Variants in CNTN5 observed in about 807,000 individuals in gnomAD.
CNTN5 encodes contactin-5.
A neutral mutation model predicts 129.1 loss-of-function variants in CNTN5; 77 were observed. The observed-to-expected ratio is 0.60, with a 90% CI of 0.50 to 0.72. The LOEUF (loss-of-function observed/expected upper bound fraction) is 0.72, where lower values mean the gene tolerates loss of function less well. CNTN5 is among the 30% of genes least tolerant of loss of function. CNTN5 has a pLI of 0.00. For synonymous variants in CNTN5, 509 were observed against 465.6 expected (o/e 1.09, Z -1.20); for missense variants, 1,478 against 1,328.8 (o/e 1.11, Z -1.75).
At chr11:100,185,905 G>A (rs1948288432) in intron 13 of CNTN5, among the ~76,000 whole-genome samples, 1 of 152,188 alleles carries the variant, frequency 6.6e-6, no homozygotes, top group African/African-American at 2.4e-5. Context: ...CTTCAGAATT[G>A]TGAGGAAATA....
chr11:99,860,369 A>T (rs1377492870), intron 6 of CNTN5, among the ~76,000 whole-genome samples: 5 of 152,088 alleles, frequency 3.3e-5, no homozygotes, highest in Admixed American at 2.0e-4. Flanking sequence ...CTTAATCATA[A>T]ATTCTTTCCT....
intron 1 of CNTN5, among the ~76,000 whole-genome samples, chr11:99,080,888 C>G (rs1018682756): frequency 6.6e-6 from 1 of 151,470 alleles, no homozygotes; most frequent in African/African-American, 2.4e-5. Context: ...AACTTCTATA[C>G]TTCTATTAAG....
intron 1 of CNTN5, among the ~76,000 whole-genome samples, chr11:99,033,249 G>A (rs1029484954): frequency 2.0e-5 from 3 of 151,664 alleles, no homozygotes; most frequent in South Asian, 2.1e-4. Context: ...TTGGCAATGC[G>A]GGCTCTTTTT....
At chr11:99,624,918 C>T (rs1184372287) in intron 3 of CNTN5, among the ~76,000 whole-genome samples, 1 of 152,122 alleles carries the variant, frequency 6.6e-6, no homozygotes, top group African/African-American at 2.4e-5. Flanking sequence ...CAGCTCAAAC[C>T]CTTGCCTGCT....
chr11:99,463,523 AT>A (rs1431165769), intron 2 of CNTN5, among the ~76,000 whole-genome samples: 2 of 152,038 alleles, frequency 1.3e-5, no homozygotes, highest in African/African-American at 2.4e-5. Flanking sequence ...TACTTAAAAA[AT>A]GTCTGCTATT....
chr11:99,174,931 A>T (rs566019566), intron 1 of CNTN5, among the ~76,000 whole-genome samples: 39 of 152,294 alleles, frequency 2.6e-4, no homozygotes, highest in African/African-American at 9.4e-4. Context: ...GCTCTAATGT[A>T]TTCAAAATCT....
intron 1 of CNTN5, among the ~76,000 whole-genome samples, chr11:99,057,404 G>A (rs532599118): frequency 4.6e-5 from 7 of 152,126 alleles, no homozygotes; most frequent in African/African-American, 1.4e-4. Context: ...GATGGGAAGC[G>A]TCTGATTCTT....
chr11:99,988,170 C>T (rs761410272), intron 8 of CNTN5, among the ~76,000 whole-genome samples: 4 of 152,208 alleles, frequency 2.6e-5, no homozygotes, highest in Non-Finnish European at 5.9e-5. Context: ...GGAGCTGCCA[C>T]ATCTTGTATC....
rs544503377 is a variant in CNTN5, at chr11:99,972,202, C to A, written c.877+15193C>A. On this transcript the variant is annotated intron_variant, in intron 8 of 24. Coordinates refer to ENST00000524871, the MANE Select transcript of CNTN5 (RefSeq NM_014361.4). Reference sequence around the variant, plus strand: ...CGTGAACCCGGGAGGCGGAGCTTGCCGTGAGCCGAGATTGCGCCACTGCAC... The same window carrying A: ...CGTGAACCCGGGAGGCGGAGCTTGCAGTGAGCCGAGATTGCGCCACTGCAC... Among the ~76,000 whole-genome samples the A allele has an allele frequency of 4.6e-5, 7 of 151,568 alleles. No individual in the cohort carries two copies. The South Asian group carries it at 1.5e-3, about 32-fold the overall frequency.
At chr11:99,755,447 T>C (rs188506582) in intron 3 of CNTN5, among the ~76,000 whole-genome samples, 1 of 152,292 alleles carries the variant, frequency 6.6e-6, no homozygotes, top group African/African-American at 2.4e-5. Context: ...CGTCCCATTG[T>C]TGTTTTACTT....
intron 16 of CNTN5, among the ~76,000 whole-genome samples, chr11:100,227,985 A>G (rs1204530798): frequency 1.3e-5 from 2 of 152,114 alleles, no homozygotes; most frequent in Admixed American, 6.6e-5. Context: ...GTTTTTTGTT[A>G]TTTTATTTTA....
intron 9 of CNTN5, among the ~76,000 whole-genome samples, chr11:100,036,444 G>A (rs61908064): frequency 0.056 from 7,531 of 133,998 alleles, 181 homozygotes; most frequent in Non-Finnish European, 0.077. Flanking sequence ...TTGACTTGGC[G>A]ATGCGGGCTC....
At chr11:99,151,031 T>G (rs570866593) in intron 1 of CNTN5, among the ~76,000 whole-genome samples, 2 of 152,258 alleles carry the variant, frequency 1.3e-5, no homozygotes, top group Admixed American at 6.5e-5. Flanking sequence ...GGATGGATAT[T>G]TTTCCCTCAG....
At chr11:99,196,331 A>G (rs116665068) in intron 1 of CNTN5, among the ~76,000 whole-genome samples, 13,394 of 151,944 alleles carry the variant, frequency 0.088, 627 homozygotes, top group African/African-American at 0.11. Flanking sequence ...TGCATTATAA[A>G]AACAATTGTA....
intron 3 of CNTN5, among the ~76,000 whole-genome samples, chr11:99,696,274 CA>C (rs1954265970): frequency 6.6e-6 from 1 of 152,106 alleles, no homozygotes; most frequent in Non-Finnish European, 1.5e-5. Context: ...TATAACCAAG[CA>C]TACTCTCACA....
intron 8 of CNTN5, among the ~76,000 whole-genome samples, chr11:99,995,752 T>C (rs1939400662): frequency 1.3e-5 from 2 of 152,156 alleles, no homozygotes; most frequent in South Asian, 4.1e-4. Flanking sequence ...CTATGTGGTA[T>C]TTTACACATA....
At chr11:99,526,920 C>G (rs527321163) in intron 2 of CNTN5, among the ~76,000 whole-genome samples, 2 of 152,190 alleles carry the variant, frequency 1.3e-5, no homozygotes, top group Admixed American at 1.3e-4. Context: ...CAGAGAGAAA[C>G]CTTTACACCA....
At chr11:99,351,122 C>T (rs1188122793) in intron 2 of CNTN5, among the ~76,000 whole-genome samples, 2 of 151,950 alleles carry the variant, frequency 1.3e-5, no homozygotes, top group Non-Finnish European at 2.9e-5. Context: ...ACCTAGGTAA[C>T]AAAACTGCAT....
At chr11:100,290,642 A>G (rs1950939224) in intron 18 of CNTN5, among the ~76,000 whole-genome samples, 1 of 145,598 alleles carries the variant, frequency 6.9e-6, no homozygotes, top group African/African-American at 2.5e-5. Flanking sequence ...TAGACCTAAA[A>G]CCATAAAAAC....
Sources: allele counts gnomAD v4.1 joint callset (sites outside exome capture counted in the v4.1 genomes callset), GRCh38; gene constraint gnomAD v4.1.1; transcripts MANE v1.5; gene names NCBI Gene and HGNC (gene_info 2026-07-23, HGNC 2026-07-21).